The following TYW1 variants were observed in gnomAD, a reference collection of about 807,000 sequenced individuals.
TYW1 encodes tRNA-yW synthesizing protein 1 homolog.
In TYW1, 46 loss-of-function variants were observed where a neutral mutation model predicts 96.2. That is an observed-to-expected ratio of 0.48 (90% confidence interval 0.38 to 0.61). The LOEUF (loss-of-function observed/expected upper bound fraction) is 0.61. Among genes scored for constraint, TYW1 ranks in the 20% least tolerant of loss-of-function variants. TYW1 has a pLI of 0.00. For missense variants in TYW1, 684 were observed against 909.6 expected, an observed-to-expected ratio of 0.75 and a Z score of 3.19; for synonymous variants, 274 against 323.0, an observed-to-expected ratio of 0.85 and a Z score of 1.63.
chr7:67,122,447 A>T (rs1797787343), intron 13 of TYW1, among the ~76,000 whole-genome samples: 1 of 152,212 alleles, frequency 6.6e-6, no homozygotes, highest in Non-Finnish European at 1.5e-5. Context: ...ATCAGGTTAT[A>T]AAAATATTAT....
chr7:67,156,912 G>A lies in TYW1; in HGVS notation c.1699-26214G>A, dbSNP rs892626108. Among the ~76,000 whole-genome samples the A allele has an allele frequency of 7.4e-4, 113 of 151,932 alleles. 1 individual carries two copies. Among genetic ancestry groups the A allele is most frequent in the African/African-American group, 2.7e-3 (112 of 41,362 alleles). On this transcript the variant is annotated intron_variant, in intron 13 of 15. Transcript: ENST00000359626. Reference sequence around the variant, plus strand: ...TGAGAGCTGAGGGACTCTTCTGGGGGTAGGGTTGCAGGTGTCAGTGGTGGG... The same window carrying A: ...TGAGAGCTGAGGGACTCTTCTGGGGATAGGGTTGCAGGTGTCAGTGGTGGG...
intron 13 of TYW1, among the ~76,000 whole-genome samples, chr7:67,151,387 C>G (rs995600893): frequency 2.6e-5 from 4 of 151,906 alleles, no homozygotes; most frequent in African/African-American, 9.7e-5. Flanking sequence ...TTTTTAAGGC[C>G]TGGGTTTGTT....
At chr7:67,031,684 CT>C (rs1794679304) in intron 7 of TYW1, among the ~76,000 whole-genome samples, 1 of 109,704 alleles carries the variant, frequency 9.1e-6, no homozygotes, top group African/African-American at 3.7e-5. Context: ...TGTGAAATGT[CT>C]TTGGGGAATA....
Position 67,083,421 on chromosome 7 carries a change from T to C in TYW1, c.1275-9T>C, listed in dbSNP as rs1172278753. ...AAGGGTCTTTTAGAACTTTGCATCT[T>C]GTTCCTAGGCACCACACCAACCCCG... On this transcript the variant is annotated splice_polypyrimidine_tract_variant and intron_variant, in intron 10 of 15. Coordinates refer to ENST00000359626, the MANE Select transcript of TYW1 (RefSeq NM_018264.4). The C allele has an allele frequency of 1.2e-6, 2 of 1,613,782 alleles. No individual in the cohort carries two copies. Among genetic ancestry groups the C allele is most frequent in the South Asian group, 2.2e-5 (2 of 91,054 alleles).
intron 15 of TYW1, among the ~76,000 whole-genome samples, chr7:67,231,736 T>C (rs1277019149): frequency 1.3e-5 from 2 of 151,924 alleles, no homozygotes; most frequent in Admixed American, 1.3e-4. Context: ...CGCTATAATG[T>C]GCCTCAGACG....
chr7:67,112,043 G>A (rs1797422691), intron 12 of TYW1, among the ~76,000 whole-genome samples: 1 of 144,514 alleles, frequency 6.9e-6, no homozygotes. Flanking sequence ...AGGTTGCAGT[G>A]GGCCAAGATT....
intron 12 of TYW1, among the ~76,000 whole-genome samples, chr7:67,100,318 C>T (rs553842654): frequency 2.0e-5 from 3 of 152,040 alleles, no homozygotes; most frequent in African/African-American, 7.2e-5. Context: ...CACGCTGTAA[C>T]ACCAAAAGTA....
intron 13 of TYW1, among the ~76,000 whole-genome samples, chr7:67,137,032 AGGCT>A (rs1798284428): frequency 7.5e-6 from 1 of 133,754 alleles, no homozygotes; most frequent in Non-Finnish European, 1.6e-5. Flanking sequence ...CATGTTGGCC[AGGCT>A]GGTCTCAAAC....
Position 67,183,194 on chromosome 7 carries a change from G to A in TYW1, c.1767G>A (p.Ala589=), listed in dbSNP as rs375543606. The A allele has an allele frequency of 5.0e-5, 81 of 1,610,500 alleles. No homozygotes were observed. Among genetic ancestry groups the A allele is most frequent in the East Asian group, 6.7e-5 (3 of 44,754 alleles). The stretch of plus-strand genomic sequence containing the variant: ...ACGTGGACGAGCTCCAGGCCTACGC[G>A]CAGCTCGTGTCCCTGGGGAATCCTG... The part of the protein sequence containing the change: ...AWNVDELQAY[A]QLVSLGNPDF... The change falls in exon 14 of 16, where the codon GCG becomes GCA. Residue 589 remains alanine (A), a synonymous_variant. Coordinates refer to ENST00000359626, the MANE Select transcript of TYW1 (RefSeq NM_018264.4).
At chr7:67,018,198 C>T (rs920438012) in intron 6 of TYW1, 55 bp downstream of exon 6, 39 of 1,568,216 alleles carry the variant, frequency 2.5e-5, no homozygotes, top group African/African-American at 1.1e-4. Context: ...TTGGAGATCT[C>T]GAGCTTGACC....
At chr7:67,229,639 AC>A (rs1322038287) in intron 15 of TYW1, among the ~76,000 whole-genome samples, 1 of 142,558 alleles carries the variant, frequency 7.0e-6, no homozygotes, top group African/African-American at 2.7e-5. Context: ...AAGGGGTAAA[AC>A]AAAATCAAAC....
intron 15 of TYW1, among the ~76,000 whole-genome samples, chr7:67,200,582 G>T (rs9886326): frequency 0.25 from 38,134 of 151,972 alleles, 4,974 homozygotes; most frequent in African/African-American, 0.3. Context: ...CCCACAATAC[G>T]TGGGAATTAC....
chr7:67,130,433 G>A (rs1398059553), intron 13 of TYW1, among the ~76,000 whole-genome samples: 1 of 151,866 alleles, frequency 6.6e-6, no homozygotes, highest in Non-Finnish European at 1.5e-5. Flanking sequence ...CAGCACTTTG[G>A]GAGACTGAGG....
At chr7:67,043,189 T>G (rs915359232) in intron 7 of TYW1, among the ~76,000 whole-genome samples, 1 of 152,172 alleles carries the variant, frequency 6.6e-6, no homozygotes, top group African/African-American at 2.4e-5. Context: ...AAGCCTGGAC[T>G]CCATCTGTCT....
rs1231580074 is a variant in TYW1 at position 67,179,926 on chromosome 7, G to A, written c.1699-3200G>A. Among the ~76,000 whole-genome samples, 3 of 126,238 alleles carry A rather than the reference G, an allele frequency of 2.4e-5. 1 individual carries two copies. The highest frequency in any genetic ancestry group is 5.0e-5 in the Non-Finnish European group (3 of 60,434). The allele number at this position is 126,238 out of a possible 152,430, so 82.8% of individuals were successfully genotyped here. A position where few individuals can be genotyped will look rare whatever the true frequency, so the allele number is the denominator to read the frequency against. ...GTCACCCAGGCTGGAGTGCGTTGGT[G>A]TGATCATGGCTCACGGCAGCCTCCA... On this transcript the variant is annotated intron_variant, in intron 13 of 15. Coordinates refer to ENST00000359626, the MANE Select transcript of TYW1 (RefSeq NM_018264.4).
Position 66,996,872 on chromosome 7 carries a change from G to C in TYW1, c.-107G>C, listed in dbSNP as rs1041315089. 1.4e-5 allele frequency: 22 copies of C among 1,584,190 alleles called. No homozygotes were observed. In the African/African-American group the frequency reaches 2.7e-4, roughly 19 times the overall value. ...GCTGCCCACAGGTCTGCAGGCACTC[G>C]GTACGCCGCTAACGCGGCGAGGTAG... is the stretch of plus-strand genomic sequence containing the variant. On this transcript the variant is annotated 5_prime_UTR_variant, in exon 1 of 16. Transcript: ENST00000359626.
chr7:67,178,070 A>G (rs1470648024), intron 13 of TYW1, among the ~76,000 whole-genome samples: 1 of 151,336 alleles, frequency 6.6e-6, no homozygotes, highest in African/African-American at 2.4e-5. Context: ...AGGCTGAGAC[A>G]GGAGGATCCC....
chr7:67,113,407 C>G (rs901864259), intron 12 of TYW1, among the ~76,000 whole-genome samples: 2 of 152,146 alleles, frequency 1.3e-5, no homozygotes, highest in African/African-American at 4.8e-5. Flanking sequence ...TTTGGCTTCT[C>G]TTAGGACTTT....
At chr7:67,182,308 A>G (rs1799865726) in intron 13 of TYW1, among the ~76,000 whole-genome samples, 1 of 152,148 alleles carries the variant, frequency 6.6e-6, no homozygotes, top group Non-Finnish European at 1.5e-5. Context: ...TGTGCCTATA[A>G]TCCCAGCCCT....
Sources: gnomAD v4.1 joint callset for allele counts (sites outside exome capture counted in the v4.1 genomes callset) on GRCh38, gnomAD v4.1.1 for gene constraint, MANE v1.5 for transcripts, NCBI Gene and HGNC (gene_info 2026-07-23, HGNC 2026-07-21) for gene names.